The following RAB11A variants were observed in gnomAD, a reference collection of about 807,000 sequenced individuals.
RAB11A encodes the protein ras-related protein Rab-11A.
In RAB11A, 9 loss-of-function variants were observed where a neutral mutation model predicts 28.0. The observed-to-expected ratio is 0.32, with a 90% CI of 0.19 to 0.56. The LOEUF (loss-of-function observed/expected upper bound fraction) is 0.56. Ranked by LOEUF, RAB11A falls within the 20% of genes least tolerant of loss-of-function variation. RAB11A has a pLI of 0.91. For missense variants in RAB11A, 108 were observed against 269.6 expected (o/e 0.40, Z 4.20); for synonymous variants, 85 against 88.2 (o/e 0.96, Z 0.20).
At chr15:65,887,490 T>G (rs147899037) in intron 4 of RAB11A, among the ~76,000 whole-genome samples, 1 of 152,314 alleles carries the variant, frequency 6.6e-6, no homozygotes, top group East Asian at 1.9e-4. Flanking sequence ...GGAAAAACCT[T>G]TGTTTCTTTT....
In RAB11A at chr15:65,887,856, C is replaced by T. The variant is rs1331782659; in HGVS notation, c.*16C>T. ...GAACATCTAAGGCATTTCTCTTCTC[C>T]CCTAGAAGGCTGTGTATAGTCCATT... On this transcript the variant is annotated 3_prime_UTR_variant, in exon 5 of 5. Transcript: ENST00000261890. 1 of 1,595,820 alleles carries T rather than the reference C, an allele frequency of 6.3e-7. No individual in the cohort carries two copies. Among genetic ancestry groups the T allele is most frequent in the Non-Finnish European group, 8.5e-7 (1 of 1,173,050 alleles).
chr15:65,882,631 G>A (rs1477279374), intron 4 of RAB11A, among the ~76,000 whole-genome samples: 2 of 152,126 alleles, frequency 1.3e-5, no homozygotes, highest in African/African-American at 4.8e-5. Context: ...TGTTACTTCA[G>A]AGTTAATTGT....
At chr15:65,869,713 A>G in intron 1 of RAB11A, 88 bp downstream of exon 1, 1 of 1,396,296 alleles carries the variant, frequency 7.2e-7, no homozygotes. Context: ...CCACCCCTGC[A>G]CTGATATAGG....
At position 65,881,349 on chromosome 15, in the gene RAB11A, A is replaced by G. The variant is rs760593093; in HGVS notation, c.511+1598A>G. Among the ~76,000 whole-genome samples, 102 of 152,268 alleles carry G rather than the reference A, an allele frequency of 6.7e-4. No homozygotes were observed. In the Middle Eastern group the frequency reaches 0.014, roughly 20 times the overall value. On this transcript the variant is annotated intron_variant, in intron 4 of 4. Coordinates refer to ENST00000261890, the MANE Select transcript of RAB11A (RefSeq NM_004663.5). ...AGACCCAGGAGTTCTAGGGCATTAC[A>G]TTTTTATCACTTTGCTTCTACTCCC... is the stretch of plus-strand genomic sequence containing the variant.
rs1166294877 is a variant in RAB11A, at chr15:65,889,211, A to G, written c.*1371A>G. On this transcript the variant is annotated 3_prime_UTR_variant, in exon 5 of 5. Coordinates refer to ENST00000261890, the MANE Select transcript of RAB11A (RefSeq NM_004663.5). ...GGGCTTGCTTAGATTACTATATTTC[A>G]TAGTTAATCTTTTGTCTCTTGCGGT... 2 of 152,590 alleles carry G rather than the reference A, an allele frequency of 1.3e-5. No individual in the cohort carries two copies. Among genetic ancestry groups the G allele is most frequent in the Admixed American group, 1.3e-4 (2 of 15,288 alleles). 9.5% of individuals were successfully genotyped at this position (152,590 alleles called of 1,614,324 possible).
chr15:65,876,972 AT>A (rs776446349), intron 1 of RAB11A, among the ~76,000 whole-genome samples: 12 of 152,224 alleles, frequency 7.9e-5, no homozygotes, highest in Non-Finnish European at 1.5e-4. Context: ...TGAAGTTGTT[AT>A]CTTCTAAAGT....
intron 1 of RAB11A, among the ~76,000 whole-genome samples, chr15:65,873,161 T>A (rs114339265): frequency 0.011 from 1,641 of 152,352 alleles, 25 homozygotes; most frequent in African/African-American, 0.037. Flanking sequence ...AGTTTTATTT[T>A]ATTTAAAGTT....
Position 65,877,662 on chromosome 15 carries a change from A to G in RAB11A, c.237-100A>G, listed in dbSNP as rs899829126. 7 of 1,327,142 alleles carry G rather than the reference A, an allele frequency of 5.3e-6. No individual in the cohort carries two copies. The African/African-American group carries it at 6.0e-5, about 11-fold the overall frequency. The allele number at this position is 1,327,142 out of a possible 1,614,324, so 82.2% of individuals were successfully genotyped here. On this transcript the variant is annotated intron_variant, in intron 2 of 4. Coordinates refer to ENST00000261890, the MANE Select transcript of RAB11A (RefSeq NM_004663.5). The surrounding 1 kb of genome is among the most constrained non-coding windows in gnomAD (Gnocchi z 4.1). ...ATTAGGAATCCTTAGAAATTTATTT[A>G]TAAGTATGTTTTTAAAACTCATGAT...
chr15:65,877,929 C>G lies in RAB11A; in HGVS notation c.404C>G (p.Pro135Arg). 6.2e-7 allele frequency: 1 copy of G among 1,613,714 alleles called. No individual in the cohort carries two copies. Among genetic ancestry groups the G allele is most frequent in the Non-Finnish European group, 8.5e-7 (1 of 1,179,720 alleles). ...KSDLRHLRAV[P>R]TDEARAFAEK... ...GATCTACGTCATCTCAGGGCAGTTC[C>G]TACAGATGAAGCAAGAGCTTTTGCA... Residue 135 changes from proline (P) to arginine (R), a missense_variant, in exon 3 of 5, where the codon CCT (proline) becomes CGT (arginine). By Grantham distance (103) the Pro-to-Arg change is moderately radical. Coordinates refer to ENST00000261890, the MANE Select transcript of RAB11A (RefSeq NM_004663.5). The surrounding 1 kb of genome is among the most constrained non-coding windows in gnomAD (Gnocchi z 4.1).
intron 1 of RAB11A, among the ~76,000 whole-genome samples, chr15:65,873,605 G>A (rs2078176212): frequency 6.6e-6 from 1 of 151,890 alleles, no homozygotes; most frequent in Admixed American, 6.6e-5. Flanking sequence ...CCAGTCTGGA[G>A]TGCCATGGCA....
chr15:65,887,822 G>A lies in RAB11A; in HGVS notation c.633G>A (p.Gln211=). Residue 211 remains glutamine (Q), a synonymous_variant, in exon 5 of 5, where the codon CAG becomes CAA. Transcript: ENST00000261890. ...PPTTENKPKV[Q]CCQNI is the part of the protein sequence containing the mutation. Reference sequence around the variant, plus strand: ...CCACTGAAAACAAGCCAAAGGTGCAGTGCTGTCAGAACATCTAAGGCATTT... The same window carrying A: ...CCACTGAAAACAAGCCAAAGGTGCAATGCTGTCAGAACATCTAAGGCATTT... The A allele has an allele frequency of 1.9e-6, 3 of 1,611,766 alleles. No individual in the cohort carries two copies. The highest frequency in any genetic ancestry group is 1.7e-6 in the Non-Finnish European group (2 of 1,179,132).
intron 1 of RAB11A, among the ~76,000 whole-genome samples, chr15:65,875,613 G>T (rs148933070): frequency 1.4e-3 from 209 of 152,280 alleles, no homozygotes; most frequent in African/African-American, 4.7e-3. Flanking sequence ...ACCATTCTTT[G>T]TGCTGCATTG....
At chr15:65,874,279 T>C (rs946495628) in intron 1 of RAB11A, among the ~76,000 whole-genome samples, 1 of 151,054 alleles carries the variant, frequency 6.6e-6, no homozygotes, top group Non-Finnish European at 1.5e-5. Context: ...CAGGCTGGAG[T>C]GCAATGGCGC....
intron 4 of RAB11A, 108 bp downstream of exon 4, chr15:65,879,859 A>C: frequency 1.2e-6 from 1 of 817,590 alleles, no homozygotes; most frequent in Non-Finnish European, 1.9e-6. Flanking sequence ...AGTGACTATC[A>C]TTTGAGAGCT....
At chr15:65,875,942 G>T (rs1182148098) in intron 1 of RAB11A, among the ~76,000 whole-genome samples, 4 of 152,196 alleles carry the variant, frequency 2.6e-5, no homozygotes, top group African/African-American at 4.8e-5. Flanking sequence ...TAGATAAGAA[G>T]AAGTCTTAGT....
intron 4 of RAB11A, 24 bp downstream of exon 4, chr15:65,879,775 C>T (rs1340765273): frequency 1.3e-6 from 2 of 1,491,692 alleles, no homozygotes; most frequent in Admixed American, 1.8e-5. Context: ...TTTCAGATTA[C>T]ACCAGTAGGA....
At chr15:65,874,550 T>C (rs1210515017) in intron 1 of RAB11A, among the ~76,000 whole-genome samples, 1 of 152,156 alleles carries the variant, frequency 6.6e-6, no homozygotes. Flanking sequence ...CTAGTTGAGA[T>C]AACTTTTTAA....
intron 4 of RAB11A, among the ~76,000 whole-genome samples, chr15:65,887,155 A>T (rs140685001): frequency 2.3e-4 from 35 of 149,202 alleles, no homozygotes; most frequent in Non-Finnish European, 4.1e-4. Flanking sequence ...TCCATAAACA[A>T]TGTAATGCTA....
rs2078265404 is a variant in RAB11A, at chr15:65,888,039, G to A, written c.*199G>A. 2.1e-6 allele frequency: 1 copy of A among 473,986 alleles called. No individual in the cohort carries two copies. Among genetic ancestry groups the A allele is most frequent in the South Asian group, 4.8e-5 (1 of 20,762 alleles). 29.4% of individuals were successfully genotyped at this position (473,986 alleles called of 1,614,324 possible). ...TGACTGCAGCTTTTTTTCATGCTAT[G>A]GCTTCACTAGCCTTAGTTTAATAAA... is the stretch of plus-strand genomic sequence containing the variant. On this transcript the variant is annotated 3_prime_UTR_variant, in exon 5 of 5. Transcript: ENST00000261890.
Sources: allele counts gnomAD v4.1 joint callset (sites outside exome capture counted in the v4.1 genomes callset), GRCh38; gene constraint gnomAD v4.1.1; non-coding constraint Gnocchi (gnomAD v3.1); transcripts MANE v1.5; gene names NCBI Gene and HGNC (gene_info 2026-07-23, HGNC 2026-07-21).